The following RIPOR2 variants were observed in gnomAD, a reference collection of about 807,000 sequenced individuals.
The protein encoded by RIPOR2 is rho family-interacting cell polarization regulator 2.
RIPOR2 carries 39 observed loss-of-function variants against 114.5 expected under a neutral mutation model. The ratio of observed to expected loss-of-function variants is 0.34; its 90% CI spans 0.26 to 0.44. The LOEUF (loss-of-function observed/expected upper bound fraction) is 0.44. RIPOR2 is among the 20% of genes least tolerant of loss of function. RIPOR2 has a pLI of 1.00. For synonymous variants in RIPOR2, 445 were observed against 484.4 expected, an observed-to-expected ratio of 0.92 and a Z score of 1.07; for missense variants, 1,007 against 1,255.1, an observed-to-expected ratio of 0.80 and a Z score of 2.99.
In RIPOR2 at chr6:24,825,154, C is replaced by G. The variant is rs565624066; in HGVS notation, c.2868+72G>C. ...AATTATTTTTATAAAGGAATAAATGCTAAAATATTAGTAGTAAATGATAGG... is the reference window on the plus strand; with the variant it reads ...AATTATTTTTATAAAGGAATAAATGGTAAAATATTAGTAGTAAATGATAGG... On this transcript the variant is annotated intron_variant, in intron 19 of 21. Transcript: ENST00000643898. 13 of 1,095,448 alleles carry G rather than the reference C, an allele frequency of 1.2e-5. No homozygotes were observed. In the African/African-American group the frequency reaches 1.6e-4, roughly 13 times the overall value. 67.9% of individuals were successfully genotyped at this position (1,095,448 alleles called of 1,614,324 possible).
At chr6:25,041,387 C>A (rs867432330) in intron 1 of RIPOR2, among the ~76,000 whole-genome samples, 3 of 152,184 alleles carry the variant, frequency 2.0e-5, no homozygotes, top group Non-Finnish European at 4.4e-5. Context: ...AAGAAGCATA[C>A]AATTGGGCCC....
intron 7 of RIPOR2, among the ~76,000 whole-genome samples, chr6:24,864,621 G>T (rs745336163): frequency 6.6e-6 from 1 of 152,156 alleles, no homozygotes; most frequent in South Asian, 2.1e-4. Context: ...TAATAATTTA[G>T]TCATTTCATC....
intron 1 of RIPOR2, chr6:24,976,369 G>C: frequency 8.5e-7 from 1 of 1,176,088 alleles, no homozygotes; most frequent in South Asian, 1.3e-5. Context: ...TAAGAAACGA[G>C]AAAAGGCTTT....
At chr6:24,870,247 T>C (rs908127844) in intron 5 of RIPOR2, among the ~76,000 whole-genome samples, 1 of 152,172 alleles carries the variant, frequency 6.6e-6, no homozygotes, top group Non-Finnish European at 1.5e-5. Context: ...TGATGAAGTA[T>C]AGTAATTTAT....
intron 1 of RIPOR2, among the ~76,000 whole-genome samples, chr6:24,884,358 G>A (rs1028953731): frequency 1.3e-5 from 2 of 152,072 alleles, no homozygotes; most frequent in Non-Finnish European, 2.9e-5. Flanking sequence ...GCAGTGAGCC[G>A]AGATCGTGCC....
At position 24,843,447 on chromosome 6, in the gene RIPOR2, G is replaced by C. The variant is rs767980494; in HGVS notation, c.1272C>G (p.Ser424=). 1 of 1,611,906 alleles carries C rather than the reference G, an allele frequency of 6.2e-7. No homozygotes were observed. Among genetic ancestry groups the C allele is most frequent in the East Asian group, 2.2e-5 (1 of 44,812 alleles). Residue 424 remains serine, a synonymous_variant, in exon 13 of 22, where the codon TCC becomes TCG. Coordinates refer to ENST00000643898, the MANE Select transcript of RIPOR2 (RefSeq NM_001286445.3). ...AGTTGGAAGGGGAGCCTGTTGAGTG[G>C]GAGGTGAGGGCGCAGTCCCCGTTGG... ...DLPNGDCALT[S]HSTGSPSNST...
chr6:24,958,060 T>C (rs144977470), intron 1 of RIPOR2, among the ~76,000 whole-genome samples: 422 of 152,004 alleles, frequency 2.8e-3, no homozygotes, highest in African/African-American at 9.5e-3. Flanking sequence ...GGATATAATC[T>C]AAGAGAACAA....
At chr6:24,909,039 A>G (rs1011652464) in intron 1 of RIPOR2, among the ~76,000 whole-genome samples, 1 of 152,274 alleles carries the variant, frequency 6.6e-6, no homozygotes, top group African/African-American at 2.4e-5. Flanking sequence ...CAACATATGC[A>G]GTATGTTTTT....
rs115457653 is a variant in RIPOR2, at chr6:24,987,732, G to A, written c.76+54119C>T. ...GTCCCTATGTATAAATGTCCTTGCCGTTTAGTCATTTACATATGGCATATA... is the reference window on the plus strand; with the variant it reads ...GTCCCTATGTATAAATGTCCTTGCCATTTAGTCATTTACATATGGCATATA... On this transcript the variant is annotated intron_variant, in intron 1 of 13. Coordinates refer to the RIPOR2 transcript ENST00000510784. Among the ~76,000 whole-genome samples, 599 of 152,232 alleles carry A rather than the reference G, an allele frequency of 3.9e-3. 7 individuals carry two copies. Among genetic ancestry groups the A allele is most frequent in the African/African-American group, 0.012 (480 of 41,546 alleles).
chr6:24,867,632 G>T (rs1347715341), intron 6 of RIPOR2, among the ~76,000 whole-genome samples: 4 of 152,176 alleles, frequency 2.6e-5, no homozygotes, highest in Non-Finnish European at 1.5e-5. Flanking sequence ...TAGCCATAAT[G>T]ACTTAATCTA....
In RIPOR2 at chr6:24,806,404, C is replaced by T. The variant is rs753906236; in HGVS notation, c.3113G>A (p.Arg1038His). 4.3e-5 allele frequency: 67 copies of T among 1,551,270 alleles called. No individual in the cohort carries two copies. In the East Asian group the frequency reaches 8.8e-4, roughly 20 times the overall value. The change falls in exon 22 of 22, where the codon CGT (arginine) becomes CAT (histidine). Residue 1038 changes from arginine to histidine, a missense_variant. By Grantham distance (29) the Arg-to-His change is conservative. Transcript: ENST00000643898. ...GGCTGTGGCAACTTCAGTTCCATGA[C>T]GACCTCCGACTTTAACACAGTCTCG... ...FPRDCVKVGG[R>H]HGTEVATAF
intron 1 of RIPOR2, among the ~76,000 whole-genome samples, chr6:25,007,669 TC>T (rs1581944063): frequency 6.6e-6 from 1 of 151,858 alleles, no homozygotes. Flanking sequence ...TCTTGGCCCT[TC>T]CTTCCTGCCC....
At chr6:24,985,111 A>G (rs1774477964) in intron 1 of RIPOR2, among the ~76,000 whole-genome samples, 1 of 152,252 alleles carries the variant, frequency 6.6e-6, no homozygotes, top group African/African-American at 2.4e-5. Flanking sequence ...ACCGTAAACA[A>G]TTCCAAACTG....
At chr6:24,869,374 A>G (rs1764938386) in intron 5 of RIPOR2, among the ~76,000 whole-genome samples, 1 of 149,870 alleles carries the variant, frequency 6.7e-6, no homozygotes, top group African/African-American at 2.5e-5. Flanking sequence ...CTAGAGCACA[A>G]TGGCACAATC....
intron 1 of RIPOR2, among the ~76,000 whole-genome samples, chr6:25,000,645 T>G (rs7758283): frequency 0.04 from 5,934 of 147,420 alleles, 417 homozygotes; most frequent in African/African-American, 0.14. Context: ...TGCTTTTTCC[T>G]TTTTTTTTTC....
At position 24,847,699 on chromosome 6, in the gene RIPOR2, A is replaced by C. The variant is rs762737321; in HGVS notation, c.1164+326T>G. 49 of 1,545,164 alleles carry C rather than the reference A, an allele frequency of 3.2e-5. 1 individual carries two copies. The South Asian group carries it at 5.8e-4, about 18-fold the overall frequency. On this transcript the variant is annotated intron_variant, in intron 12 of 21. Coordinates refer to ENST00000643898, the MANE Select transcript of RIPOR2 (RefSeq NM_001286445.3). ...GGAAGGATGCAGCCACCTCTTCAGA[A>C]GTGAAAGCAAGATGGGGGAGTTAGT...
chr6:25,024,432 G>A (rs1337115363), intron 1 of RIPOR2: 8 of 1,020,206 alleles, frequency 7.8e-6, no homozygotes, highest in Non-Finnish European at 1.2e-5. Context: ...GATGCAGGAG[G>A]TGTCCAGGCC....
intron 19 of RIPOR2, among the ~76,000 whole-genome samples, chr6:24,822,327 T>G (rs1170678166): frequency 1.3e-5 from 2 of 152,190 alleles, no homozygotes; most frequent in Non-Finnish European, 2.9e-5. Context: ...TGTAACCATG[T>G]GTGTAAATAT....
chr6:24,984,483 C>T (rs1178301296), intron 1 of RIPOR2, among the ~76,000 whole-genome samples: 1 of 152,056 alleles, frequency 6.6e-6, no homozygotes, highest in African/African-American at 2.4e-5. Flanking sequence ...ATCTGTAAAA[C>T]TGGAATAATA....
Sources: gnomAD v4.1 joint callset for allele counts (sites outside exome capture counted in the v4.1 genomes callset) on GRCh38, gnomAD v4.1.1 for gene constraint, MANE v1.5 for transcripts, NCBI Gene and HGNC (gene_info 2026-07-23, HGNC 2026-07-21) for gene names.